Variants in SLC7A14 observed in about 807,000 individuals in gnomAD.
The protein encoded by SLC7A14 is gamma-aminobutyric acid transporter SLC7A14.
Under a neutral mutation model 60.2 loss-of-function variants are expected in SLC7A14, and 37 were observed. That is an observed-to-expected ratio of 0.61 (90% CI 0.47 to 0.81). SLC7A14 has a LOEUF of 0.81. SLC7A14 is among the 30% of genes least tolerant of loss of function. SLC7A14 has a pLI of 0.00. For synonymous variants in SLC7A14, 399 were observed against 395.8 expected (o/e 1.01, Z -0.10); for missense variants, 886 against 982.7 (o/e 0.90, Z 1.32).
Position 170,505,374 on chromosome 3 carries a change from C to T in SLC7A14, c.305-4029G>A, listed in dbSNP as rs541654802. 7.9e-5 allele frequency among the ~76,000 whole-genome samples: 12 copies of T among 152,256 alleles called. No homozygotes were observed. The South Asian group carries it at 8.3e-4, about 11-fold the overall frequency. On this transcript the variant is annotated intron_variant, in intron 2 of 7. Transcript: ENST00000231706. ...GTTGCGTCTCCTAATGTACGCATGC[C>T]CCATCATTCACATGTTGAAATAAAT...
chr3:170,502,907 T>C (rs1162347442), intron 2 of SLC7A14: 1 of 152,230 alleles, frequency 6.6e-6, no homozygotes, highest in Non-Finnish European at 1.5e-5. Flanking sequence ...AGCATCCTTG[T>C]TTCTAAAATA....
chr3:170,474,793 G>A (rs775864042), intron 7 of SLC7A14, among the ~76,000 whole-genome samples: 3 of 152,134 alleles, frequency 2.0e-5, no homozygotes, highest in South Asian at 2.1e-4. Context: ...TCCATTGCCC[G>A]TATCACAAGT....
At chr3:170,543,078 A>T (rs1015379352) in intron 1 of SLC7A14, among the ~76,000 whole-genome samples, 1 of 152,128 alleles carries the variant, frequency 6.6e-6, no homozygotes, top group Non-Finnish European at 1.5e-5. Flanking sequence ...TGGTTTATAA[A>T]CTTTCAGGTC....
At chr3:170,544,063 AGAC>A (rs1207965992) in intron 1 of SLC7A14, among the ~76,000 whole-genome samples, 1 of 152,010 alleles carries the variant, frequency 6.6e-6, no homozygotes, top group East Asian at 1.9e-4. Flanking sequence ...TTTTCTATTT[AGAC>A]ATCTGAAGAG....
chr3:170,554,676 A>C (rs562198323), intron 1 of SLC7A14, among the ~76,000 whole-genome samples: 1 of 152,336 alleles, frequency 6.6e-6, no homozygotes, highest in South Asian at 2.1e-4. Context: ...GCCCCACGGC[A>C]GATGTTCCTC....
At chr3:170,507,680 G>A (rs534663455) in intron 2 of SLC7A14, among the ~76,000 whole-genome samples, 2 of 152,294 alleles carry the variant, frequency 1.3e-5, no homozygotes, top group Admixed American at 6.5e-5. Flanking sequence ...TTTAACAGAC[G>A]AGTGGACTAG....
rs1249689595 is a variant in SLC7A14 at position 170,585,567 on chromosome 3, C to T, written c.-153+344G>A. ...TAGGCTGCCCGCATTCCGCTCGCGGCTCCCCTTCTGCCTCCCGCTCTAGCG... is the reference window on the plus strand; with the variant it reads ...TAGGCTGCCCGCATTCCGCTCGCGGTTCCCCTTCTGCCTCCCGCTCTAGCG... On this transcript the variant is annotated intron_variant, in intron 1 of 7. Transcript: ENST00000231706. The surrounding 1 kb of genome is among the most constrained non-coding windows in gnomAD (Gnocchi z 5.1). Among the ~76,000 whole-genome samples, 1 of 152,184 alleles carries T rather than the reference C, an allele frequency of 6.6e-6. No individual in the cohort carries two copies. Among genetic ancestry groups the T allele is most frequent in the Non-Finnish European group, 1.5e-5 (1 of 68,028 alleles).
At position 170,463,500 on chromosome 3, in the gene SLC7A14, T is replaced by C. The variant is rs1472933153; in HGVS notation, c.*3555A>G. On this transcript the variant is annotated 3_prime_UTR_variant, in exon 8 of 8. Coordinates refer to ENST00000231706, the MANE Select transcript of SLC7A14 (RefSeq NM_020949.3). Reference sequence around the variant, plus strand: ...CACATTCACTATTGTTCTTTATTTATATATCCCATTTCCCCTATTTGATTT... The same window carrying C: ...CACATTCACTATTGTTCTTTATTTACATATCCCATTTCCCCTATTTGATTT... 1 of 152,194 alleles carries C rather than the reference T, an allele frequency of 6.6e-6. No homozygotes were observed. The highest frequency in any genetic ancestry group is 1.5e-5 in the Non-Finnish European group (1 of 68,044). 9.4% of individuals were successfully genotyped at this position (152,194 alleles called of 1,614,324 possible). A position where few individuals can be genotyped will look rare whatever the true frequency, so the allele number is the denominator to read the frequency against.
intron 4 of SLC7A14, among the ~76,000 whole-genome samples, chr3:170,489,612 C>T (rs1170376472): frequency 6.6e-6 from 1 of 152,202 alleles, no homozygotes; most frequent in Non-Finnish European, 1.5e-5. Flanking sequence ...GAAAGGGAAT[C>T]AGCGTATTGA....
chr3:170,491,717 G>A (rs1712226809), intron 4 of SLC7A14, among the ~76,000 whole-genome samples: 1 of 152,174 alleles, frequency 6.6e-6, no homozygotes, highest in South Asian at 2.1e-4. Context: ...TGGTGCCAAG[G>A]TTGGGAGGCA....
chr3:170,510,609 A>G (rs1006501636), intron 2 of SLC7A14, among the ~76,000 whole-genome samples: 2 of 152,146 alleles, frequency 1.3e-5, no homozygotes, highest in African/African-American at 2.4e-5. Flanking sequence ...TCAAATGATA[A>G]TGATGATGGT....
chr3:170,523,996 G>T (rs1014119418), intron 2 of SLC7A14, among the ~76,000 whole-genome samples: 1 of 152,192 alleles, frequency 6.6e-6, no homozygotes, highest in Non-Finnish European at 1.5e-5. Flanking sequence ...GGCCTCAGTG[G>T]CTAGATAAGT....
At chr3:170,568,540 T>C (rs1355621725) in intron 1 of SLC7A14, among the ~76,000 whole-genome samples, 1 of 152,244 alleles carries the variant, frequency 6.6e-6, no homozygotes, top group Non-Finnish European at 1.5e-5. Context: ...TTTCCAGTTC[T>C]GTGAAGAAAG....
At chr3:170,544,853 G>C (rs778089047) in intron 1 of SLC7A14, among the ~76,000 whole-genome samples, 1 of 152,214 alleles carries the variant, frequency 6.6e-6, no homozygotes, top group Non-Finnish European at 1.5e-5. Context: ...CACAGCTGCT[G>C]TCAGAGCTGG....
In SLC7A14 at chr3:170,467,385, G is replaced by A. The variant is rs1054202897; in HGVS notation, c.1994-8C>T. The A allele has an allele frequency of 4.5e-6, 7 of 1,570,938 alleles. No homozygotes were observed. The African/African-American group carries it at 9.5e-5, about 21-fold the overall frequency. ...CAAAATAAATGAGCAGACCTGTGGG[G>A]CGAGGGGAAAGGTACAGGTGAATAA... On this transcript the variant is annotated splice_region_variant and splice_polypyrimidine_tract_variant and intron_variant, in intron 7 of 7. Coordinates refer to ENST00000231706, the MANE Select transcript of SLC7A14 (RefSeq NM_020949.3).
At chr3:170,536,005 A>G (rs1301917462) in intron 1 of SLC7A14, among the ~76,000 whole-genome samples, 1 of 152,230 alleles carries the variant, frequency 6.6e-6, no homozygotes, top group Non-Finnish European at 1.5e-5. Context: ...TCAGGAAATC[A>G]ACAATACCCG....
intron 2 of SLC7A14, among the ~76,000 whole-genome samples, chr3:170,507,478 G>A (rs1712818854): frequency 6.6e-6 from 1 of 152,198 alleles, no homozygotes; most frequent in Admixed American, 6.5e-5. Flanking sequence ...GGAGACTGGG[G>A]GAGGGAGCCT....
chr3:170,515,800 G>A (rs780269001), intron 2 of SLC7A14, among the ~76,000 whole-genome samples: 1 of 152,174 alleles, frequency 6.6e-6, no homozygotes, highest in African/African-American at 2.4e-5. Context: ...GGACTGCTGA[G>A]GGTGAGAGCT....
intron 2 of SLC7A14, among the ~76,000 whole-genome samples, chr3:170,521,361 T>C (rs2108291110): frequency 1.3e-5 from 2 of 152,380 alleles, no homozygotes; most frequent in South Asian, 4.1e-4. Context: ...GCTGTCCAAA[T>C]AGTTTCCATT....
Sources: allele counts gnomAD v4.1 joint callset (sites outside exome capture counted in the v4.1 genomes callset), GRCh38; gene constraint gnomAD v4.1.1; non-coding constraint Gnocchi (gnomAD v3.1); transcripts MANE v1.5; gene names NCBI Gene and HGNC (gene_info 2026-07-23, HGNC 2026-07-21).